Variants in BCLAF1 observed in about 807,000 individuals in gnomAD.
BCLAF1 encodes bcl-2-associated transcription factor 1.
BCLAF1 carries 10 observed loss-of-function variants against 99.5 expected under a neutral mutation model. The ratio of observed to expected loss-of-function variants is 0.10; its 90% CI spans 0.06 to 0.17. The LOEUF (loss-of-function observed/expected upper bound fraction) is 0.17, where lower values mean the gene tolerates loss of function less well. BCLAF1 is among the 10% of genes least tolerant of loss of function. The probability of loss-of-function intolerance (pLI) is 1.00; values close to 1 mark genes in which losing one functional copy is unlikely to be tolerated. For synonymous variants in BCLAF1, 255 were observed against 370.9 expected (o/e 0.69, Z 3.59); for missense variants, 636 against 1,105.8 (o/e 0.58, Z 6.02).
intron 2 of BCLAF1, among the ~76,000 whole-genome samples, chr6:136,281,046 G>A (rs1397834851): frequency 1.3e-5 from 2 of 152,144 alleles, no homozygotes; most frequent in Non-Finnish European, 2.9e-5. Flanking sequence ...GTACTAAGAT[G>A]AGTTCAGTTA....
chr6:136,287,260 A>G (rs1425914545), intron 1 of BCLAF1, among the ~76,000 whole-genome samples: 1 of 150,414 alleles, frequency 6.6e-6, no homozygotes, highest in Non-Finnish European at 1.5e-5. Context: ...CAGTGAGCCG[A>G]GATGGCGCCA....
intron 6 of BCLAF1, among the ~76,000 whole-genome samples, chr6:136,274,537 G>T (rs1364753729): frequency 5.3e-5 from 8 of 151,956 alleles, no homozygotes; most frequent in Non-Finnish European, 1.2e-4. Flanking sequence ...CAGCCCAAAA[G>T]AAATTCATCT....
In BCLAF1 at chr6:136,261,406, G is replaced by A. The variant is rs761853003; in HGVS notation, c.2616C>T (p.Gly872=). 3 of 1,613,652 alleles carry A rather than the reference G, an allele frequency of 1.9e-6. No homozygotes were observed. In the African/African-American group the frequency reaches 4.0e-5, roughly 22 times the overall value. Residue 872 remains glycine (G), a synonymous_variant, in exon 12 of 13, where the codon GGC becomes GGT. Coordinates refer to ENST00000531224, the MANE Select transcript of BCLAF1 (RefSeq NM_014739.3). The part of the protein sequence containing the change: ...RGRGRGTFQR[G]RGRFNFKKSG... Reference sequence around the variant, plus strand: ...ATTTTTTGAAGTTAAAGCGCCCTCTGCCACGTTGAAAAGTACCACGACCTC... The same window carrying A: ...ATTTTTTGAAGTTAAAGCGCCCTCTACCACGTTGAAAAGTACCACGACCTC...
intron 1 of BCLAF1, among the ~76,000 whole-genome samples, chr6:136,286,300 G>T (rs530955444): frequency 3.3e-5 from 5 of 152,160 alleles, no homozygotes; most frequent in Non-Finnish European, 7.3e-5. Flanking sequence ...TATAGCCCAT[G>T]ACTATTATTC....
At chr6:136,272,162 A>T in intron 7 of BCLAF1, 83 bp from the exon 8 acceptor site, 1 of 980,518 alleles carries the variant, frequency 1.0e-6, no homozygotes, top group Non-Finnish European at 1.5e-6. Context: ...CATTTTCCTA[A>T]GACAGTTATT....
In BCLAF1 at chr6:136,267,326, A is replaced by G. The variant is rs1781846583; in HGVS notation, c.2398-151T>C. 1.8e-5 allele frequency: 17 copies of G among 950,136 alleles called. No homozygotes were observed. The South Asian group carries it at 2.9e-4, about 16-fold the overall frequency. The allele number at this position is 950,136 out of a possible 1,614,324, so 58.9% of individuals were successfully genotyped here. ...TGAGGATGAAAAGGATGGCCATTTTATATCATAGGCAAAAAATTTCTGCCA... is the reference window on the plus strand; with the variant it reads ...TGAGGATGAAAAGGATGGCCATTTTGTATCATAGGCAAAAAATTTCTGCCA... On this transcript the variant is annotated intron_variant, in intron 10 of 12. Transcript: ENST00000531224.
chr6:136,272,573 AG>A (rs1419632789), intron 7 of BCLAF1, among the ~76,000 whole-genome samples: 1 of 151,964 alleles, frequency 6.6e-6, no homozygotes, highest in African/African-American at 2.4e-5. Context: ...GATACTTCAT[AG>A]CCAATATCAC....
chr6:136,286,829 G>T (rs1190034097), intron 1 of BCLAF1, among the ~76,000 whole-genome samples: 1 of 152,170 alleles, frequency 6.6e-6, no homozygotes, highest in African/African-American at 2.4e-5. Context: ...TTAGACGGGC[G>T]TGGTGGCAGG....
At chr6:136,277,612 G>T (rs915578983) in intron 4 of BCLAF1, among the ~76,000 whole-genome samples, 18 of 152,218 alleles carry the variant, frequency 1.2e-4, no homozygotes, top group South Asian at 8.3e-4. Context: ...CCACAGCCTT[G>T]AACTCCTGGG....
chr6:136,256,978 C>T lies in BCLAF1; in HGVS notation c.*4132G>A, dbSNP rs1780511882. On this transcript the variant is annotated 3_prime_UTR_variant, in exon 13 of 13. Transcript: ENST00000531224. ...GCTGTGATTATAAATCATTTCACAC[C>T]ACCTAAACATACAGTGTAGCTATGA... 1 of 152,110 alleles carries T rather than the reference C, an allele frequency of 6.6e-6. No homozygotes were observed. Among genetic ancestry groups the T allele is most frequent in the Admixed American group, 6.5e-5 (1 of 15,276 alleles). 9.4% of individuals were successfully genotyped at this position (152,110 alleles called of 1,614,324 possible). A position where few individuals can be genotyped will look rare whatever the true frequency, so the allele number is the denominator to read the frequency against.
chr6:136,274,410 T>TA (rs199726419), intron 6 of BCLAF1, among the ~76,000 whole-genome samples: 54 of 147,526 alleles, frequency 3.7e-4, no homozygotes, highest in Admixed American at 5.4e-4. Context: ...ATTAAAAAAT[T>TA]AAAAAAAAAA....
In BCLAF1 at chr6:136,278,236, G is replaced by C. The variant is rs758151483; in HGVS notation, c.645C>G (p.Gly215=). 7 of 1,614,150 alleles carry C rather than the reference G, an allele frequency of 4.3e-6. No homozygotes were observed. The highest frequency in any genetic ancestry group is 5.9e-6 in the Non-Finnish European group (7 of 1,180,002). ...SSATSGDIWP[G]LSAYDNSPRS... ...TAGGACTATTATCATAAGCTGAAAG[G>C]CCAGGCCAAATATCACCGGATGTGG... The change falls in exon 4 of 13, where the codon GGC becomes GGG. Residue 215 remains glycine, a synonymous_variant. Coordinates refer to ENST00000531224, the MANE Select transcript of BCLAF1 (RefSeq NM_014739.3).
At position 136,261,826 on chromosome 6, in the gene BCLAF1, G is replaced by A. The variant is rs559394946; in HGVS notation, c.2545-349C>T. ...CTTATTATTACACCAAATGCAATGA[G>A]ATAAAATTAAGTTTTTCCCAAAATT... On this transcript the variant is annotated intron_variant, in intron 11 of 12. Transcript: ENST00000531224. Among the ~76,000 whole-genome samples, 4 of 152,036 alleles carry A rather than the reference G, an allele frequency of 2.6e-5. No individual in the cohort carries two copies. The South Asian group carries it at 8.3e-4, about 32-fold the overall frequency.
chr6:136,280,647 CACT>C (rs1408101517), intron 2 of BCLAF1, among the ~76,000 whole-genome samples: 1 of 151,868 alleles, frequency 6.6e-6, no homozygotes, highest in Non-Finnish European at 1.5e-5. Flanking sequence ...CTTTTCTAAA[CACT>C]ACATGGTATC....
chr6:136,279,211 A>T (rs1784024558), intron 3 of BCLAF1, among the ~76,000 whole-genome samples: 1 of 152,178 alleles, frequency 6.6e-6, no homozygotes, highest in Non-Finnish European at 1.5e-5. Flanking sequence ...CATAATATAA[A>T]GTTAAGCCTG....
At chr6:136,269,352 C>T (rs1383295676) in intron 9 of BCLAF1, 85 bp downstream of exon 9, 1 of 1,576,156 alleles carries the variant, frequency 6.3e-7, no homozygotes, top group Non-Finnish European at 8.6e-7. Context: ...TTCGATTACA[C>T]AGTCAAAATT....
In BCLAF1 at chr6:136,259,878, T is replaced by TA. The variant is rs1780760535; in HGVS notation, c.*1231dup. On this transcript the variant is annotated 3_prime_UTR_variant, in exon 13 of 13. Coordinates refer to ENST00000531224, the MANE Select transcript of BCLAF1 (RefSeq NM_014739.3). ...CACTTAACATTGAAATTTACTATTT[T>TA]AGATTTTCACTCCTTTAAGAGCTAT... is the stretch of plus-strand genomic sequence containing the variant. 6.6e-6 allele frequency: 1 copy of TA among 152,046 alleles called. No homozygotes were observed. Among genetic ancestry groups the TA allele is most frequent in the Non-Finnish European group, 1.5e-5 (1 of 67,902 alleles). The allele number at this position is 152,046 out of a possible 1,614,324, so 9.4% of individuals were successfully genotyped here.
intron 11 of BCLAF1, among the ~76,000 whole-genome samples, chr6:136,262,156 CCA>C (rs1484024437): frequency 8.5e-5 from 13 of 152,118 alleles, no homozygotes; most frequent in Middle Eastern, 6.8e-3. Context: ...CAGATGATCC[CCA>C]AATTATGAAA....
intron 4 of BCLAF1, among the ~76,000 whole-genome samples, chr6:136,277,622 G>C (rs1227918740): frequency 6.6e-6 from 1 of 152,074 alleles, no homozygotes; most frequent in East Asian, 1.9e-4. Context: ...GAACTCCTGG[G>C]CTCAAGAGAT....
Sources: allele counts gnomAD v4.1 joint callset (sites outside exome capture counted in the v4.1 genomes callset), GRCh38; gene constraint gnomAD v4.1.1; transcripts MANE v1.5; gene names NCBI Gene and HGNC (gene_info 2026-07-23, HGNC 2026-07-21).